Variants in TMEM242 observed in about 807,000 individuals in gnomAD.
The protein encoded by TMEM242 is UPF0463 transmembrane protein C6orf35.
TMEM242 carries 10 observed loss-of-function variants against 18.2 expected under a neutral mutation model. The ratio of observed to expected loss-of-function variants is 0.55; its 90% CI spans 0.34 to 0.93. The LOEUF (loss-of-function observed/expected upper bound fraction) is 0.93, where lower values mean the gene tolerates loss of function less well. Ranked by LOEUF, TMEM242 falls within the 40% of genes least tolerant of loss-of-function variation. The probability of loss-of-function intolerance (pLI) is 0.02; values close to 1 mark genes in which losing one functional copy is unlikely to be tolerated. For missense variants in TMEM242, 186 were observed against 175.5 expected (o/e 1.06, Z -0.34); for synonymous variants, 57 against 69.9 (o/e 0.81, Z 0.92).
rs1054283348 is a variant in TMEM242, at chr6:157,292,843, G to T, written c.*58C>A. On this transcript the variant is annotated 3_prime_UTR_variant, in exon 4 of 4. Transcript: ENST00000400788. ...CAGTCCCAGTCCTTTTGCTGTCATG[G>T]TGTCTCCAGAGCCACCCCTTTCTGT... 254 of 1,357,784 alleles carry T rather than the reference G, an allele frequency of 1.9e-4. 3 individuals carry two copies. The South Asian group carries it at 2.7e-3, about 14-fold the overall frequency. 84.1% of individuals were successfully genotyped at this position (1,357,784 alleles called of 1,614,324 possible). A position where few individuals can be genotyped will look rare whatever the true frequency, so the allele number is the denominator to read the frequency against.
intron 3 of TMEM242, among the ~76,000 whole-genome samples, chr6:157,304,295 G>A (rs961226950): frequency 2.0e-5 from 3 of 151,642 alleles, no homozygotes; most frequent in Non-Finnish European, 4.4e-5. Flanking sequence ...GTGAAAGCCC[G>A]TCTCTACAAA....
intron 3 of TMEM242, among the ~76,000 whole-genome samples, chr6:157,294,347 CTTTT>C (rs587765277): frequency 4.3e-5 from 5 of 115,248 alleles, no homozygotes; most frequent in East Asian, 2.5e-4. Context: ...CAAGTCATTT[CTTTT>C]TTTTTTTTTT....
At chr6:157,318,146 A>G (rs1778437754) in intron 3 of TMEM242, 1 of 152,252 alleles carries the variant, frequency 6.6e-6, no homozygotes, top group East Asian at 1.9e-4. Context: ...TAACTTTTAC[A>G]AAGATTATAT....
chr6:157,311,307 T>A (rs1361222481), intron 3 of TMEM242, among the ~76,000 whole-genome samples: 560 of 8,904 alleles, frequency 0.063, 8 homozygotes, highest in African/African-American at 0.18. Flanking sequence ...CATTATAGTG[T>A]CCCAGTGTGT....
intron 3 of TMEM242, among the ~76,000 whole-genome samples, chr6:157,313,362 C>T (rs1554249725): frequency 2.0e-5 from 3 of 148,320 alleles, no homozygotes; most frequent in Non-Finnish European, 3.0e-5. Context: ...GCTCACCTGG[C>T]CTCATCATAG....
Position 157,292,595 on chromosome 6 carries a change from T to TTTAA in TMEM242, c.*305_*306insTTAA, listed in dbSNP as rs1777697771. Reference sequence around the variant, plus strand: ...ATCATACTTTTATTATAAACTTTTTTAGTATGAAATTTGCTTCAACTGTTA... The same window carrying TTTAA: ...ATCATACTTTTATTATAAACTTTTTTTTAAAGTATGAAATTTGCTTCAACTGTTA... On this transcript the variant is annotated 3_prime_UTR_variant, in exon 4 of 4. Coordinates refer to ENST00000400788, the MANE Select transcript of TMEM242 (RefSeq NM_018452.6). The TTTAA allele has an allele frequency of 4.1e-6, 1 of 242,354 alleles. No individual in the cohort carries two copies. Among genetic ancestry groups the TTTAA allele is most frequent in the African/African-American group, 2.2e-5 (1 of 44,832 alleles). 15.0% of individuals were successfully genotyped at this position (242,354 alleles called of 1,614,324 possible).
At chr6:157,296,556 G>T (rs77653779) in intron 3 of TMEM242, among the ~76,000 whole-genome samples, 4,772 of 152,322 alleles carry the variant, frequency 0.031, 108 homozygotes, top group East Asian at 0.15. Context: ...GGTGGCGCAC[G>T]CCTGTAGCCC....
intron 3 of TMEM242, among the ~76,000 whole-genome samples, chr6:157,312,886 C>T (rs1554249487): frequency 2.1e-5 from 3 of 143,168 alleles, no homozygotes; most frequent in East Asian, 2.0e-4. Context: ...ACTCACCTAG[C>T]CTCATCATAG....
intron 3 of TMEM242, among the ~76,000 whole-genome samples, chr6:157,301,018 C>T (rs781786116): frequency 5.9e-5 from 9 of 152,060 alleles, no homozygotes; most frequent in Non-Finnish European, 1.0e-4. Flanking sequence ...AACTAAATTC[C>T]CTTACAGTTT....
At chr6:157,312,735 TGTGCGCTC>T (rs1778213483) in intron 3 of TMEM242, among the ~76,000 whole-genome samples, 3 of 61,968 alleles carry the variant, frequency 4.8e-5, no homozygotes, top group South Asian at 1.1e-3. Context: ...ACTGTCCCAG[TGTGCGCTC>T]ACCTGGCCTC....
intron 3 of TMEM242, among the ~76,000 whole-genome samples, chr6:157,306,917 T>C (rs1777924698): frequency 6.6e-6 from 1 of 152,182 alleles, no homozygotes; most frequent in African/African-American, 2.4e-5. Flanking sequence ...GAAAAATATA[T>C]AGCACATTAG....
chr6:157,312,756 C>G (rs1583569960), intron 3 of TMEM242, among the ~76,000 whole-genome samples: 1 of 79,652 alleles, frequency 1.3e-5, no homozygotes, highest in African/African-American at 5.3e-5. Flanking sequence ...CTGGCCTCAT[C>G]TTACTGTCAC....
At chr6:157,312,292 GCC>G (rs1562384496) in intron 3 of TMEM242, among the ~76,000 whole-genome samples, 1 of 106,016 alleles carries the variant, frequency 9.4e-6, no homozygotes, top group Non-Finnish European at 2.4e-5. Flanking sequence ...TCAACATAGT[GCC>G]CCAGTGTGCG....
intron 3 of TMEM242, among the ~76,000 whole-genome samples, chr6:157,302,554 A>G (rs587623650): frequency 6.6e-6 from 1 of 152,214 alleles, no homozygotes; most frequent in African/African-American, 2.4e-5. Flanking sequence ...GGGAAAAAAA[A>G]CTGTTCAAAA....
chr6:157,302,677 C>G (rs782779976), intron 3 of TMEM242, among the ~76,000 whole-genome samples: 6 of 152,208 alleles, frequency 3.9e-5, no homozygotes, highest in Non-Finnish European at 5.9e-5. Context: ...ATATTTAGGT[C>G]TACTCAAAGA....
chr6:157,302,496 C>G (rs1477597598), intron 3 of TMEM242, among the ~76,000 whole-genome samples: 1 of 152,180 alleles, frequency 6.6e-6, no homozygotes, highest in Non-Finnish European at 1.5e-5. Flanking sequence ...TCTCTAATAG[C>G]TGCCTCTTCA....
intron 3 of TMEM242, among the ~76,000 whole-genome samples, chr6:157,298,179 CT>C (rs1319420210): frequency 1.3e-5 from 2 of 152,236 alleles, no homozygotes; most frequent in Admixed American, 1.3e-4. Flanking sequence ...CACTCTGAAG[CT>C]AAGATCCTGC....
At chr6:157,312,819 C>G (rs1554249440) in intron 3 of TMEM242, among the ~76,000 whole-genome samples, 1 of 135,908 alleles carries the variant, frequency 7.4e-6, no homozygotes, top group African/African-American at 2.8e-5. Context: ...CTCAACTAGC[C>G]TCATCATAGT....
intron 1 of TMEM242, among the ~76,000 whole-genome samples, chr6:157,323,013 T>C (rs587672034): frequency 4.6e-5 from 7 of 152,328 alleles, no homozygotes; most frequent in African/African-American, 1.7e-4. Context: ...TCTGGTTCCT[T>C]GGGTCATTCC....
Sources: allele counts gnomAD v4.1 joint callset (sites outside exome capture counted in the v4.1 genomes callset), GRCh38; gene constraint gnomAD v4.1.1; transcripts MANE v1.5; gene names NCBI Gene and HGNC (gene_info 2026-07-23, HGNC 2026-07-21).